NEXMIF: variants seen among roughly 807,000 people sequenced by gnomAD.
NEXMIF encodes XLMR protein related to neurite extension.
A neutral mutation model predicts 62.1 loss-of-function variants in NEXMIF; 8 were observed. The ratio of observed to expected loss-of-function variants is 0.13; its 90% CI spans 0.08 to 0.23. The LOEUF (loss-of-function observed/expected upper bound fraction) is 0.23, where lower values mean the gene tolerates loss of function less well. NEXMIF is among the 10% of genes least tolerant of loss of function. The pLI is 1.00. For synonymous variants in NEXMIF, 404 were observed against 416.6 expected (o/e 0.97, Z 0.37); for missense variants, 976 against 1,113.3 (o/e 0.88, Z 1.75).
intron 1 of NEXMIF, among the ~76,000 whole-genome samples, chrX:74,910,865 G>A (rs748134854): frequency 9.0e-6 from 1 of 111,698 alleles, no homozygotes; most frequent in Non-Finnish European, 1.9e-5. Context: ...CTCCCTTGCT[G>A]CAACCATGTA....
intron 1 of NEXMIF, among the ~76,000 whole-genome samples, chrX:74,762,270 A>G (rs1202502756): frequency 4.5e-5 from 5 of 110,657 alleles, no homozygotes; most frequent in Non-Finnish European, 9.4e-5. Flanking sequence ...AGCTACATCC[A>G]TGTCCCTACA....
intron 1 of NEXMIF, among the ~76,000 whole-genome samples, chrX:74,811,385 C>T (rs1400936439): frequency 2.7e-5 from 3 of 111,992 alleles, no homozygotes; most frequent in Non-Finnish European, 3.8e-5. Context: ...CTGGCTCCTT[C>T]CCATAAGAAC....
In NEXMIF at chrX:74,875,427, T is replaced by C. The variant is rs751919198; in HGVS notation, c.-48+49456A>G. ...TTTATTGAGGATTTTTGCATCAATG[T>C]TCATCAAGGATATTGGTCTAAAATT... On this transcript the variant is annotated intron_variant, in intron 1 of 3. Coordinates refer to ENST00000055682, the MANE Select transcript of NEXMIF (RefSeq NM_001008537.3). Among the ~76,000 whole-genome samples, 7 of 112,267 alleles carry C rather than the reference T, an allele frequency of 6.2e-5. No individual in the cohort carries two copies. In the South Asian group the frequency reaches 2.6e-3, roughly 41 times the overall value.
intron 1 of NEXMIF, among the ~76,000 whole-genome samples, chrX:74,916,973 T>C (rs998379139): frequency 8.9e-6 from 1 of 112,103 alleles, no homozygotes; most frequent in Non-Finnish European, 1.9e-5. Flanking sequence ...TCAGTAATTA[T>C]CATTAATGGA....
intron 1 of NEXMIF, among the ~76,000 whole-genome samples, chrX:74,842,052 T>C (rs980378652): frequency 1.8e-5 from 2 of 111,926 alleles, no homozygotes; most frequent in African/African-American, 6.5e-5. Context: ...TCTGTGAGAA[T>C]AGTACCAGCT....
rs760516537 is a variant in NEXMIF at position 74,742,300 on chromosome X, G to C, written c.2257C>G (p.Gln753Glu). The stretch of plus-strand genomic sequence containing the variant: ...TTCTTTAAATTAGCCTTTGAGGATT[G>C]GTTTTCCAAGAGAGGGCTCATTTGA... ...IVQMSPLLEN[Q>E]SSKANLKNEV... The change falls in exon 3 of 4, where the codon CAA becomes GAA. Residue 753 changes from glutamine (Q) to glutamate (E), a missense_variant. This residue lies in a region of NEXMIF where 639 missense variants were observed against 694.5 expected (regional missense o/e 0.92). Coordinates refer to ENST00000055682, the MANE Select transcript of NEXMIF (RefSeq NM_001008537.3). The C allele has an allele frequency of 4.1e-6, 5 of 1,211,572 alleles. No homozygotes were observed. The highest frequency in any genetic ancestry group is 5.6e-6 in the Non-Finnish European group (5 of 895,305).
At chrX:74,755,706 C>G (rs1285956829) in intron 1 of NEXMIF, among the ~76,000 whole-genome samples, 1 of 111,621 alleles carries the variant, frequency 9.0e-6, no homozygotes, top group Admixed American at 9.5e-5. Context: ...TGTTTCAGAT[C>G]CCACCCTCAT....
At chrX:74,821,969 T>C (rs1238466024) in intron 1 of NEXMIF, among the ~76,000 whole-genome samples, 1 of 111,599 alleles carries the variant, frequency 9.0e-6, no homozygotes. Flanking sequence ...CAGGCAGGTC[T>C]GGAACTCTTT....
intron 1 of NEXMIF, among the ~76,000 whole-genome samples, chrX:74,775,002 T>G (rs2080224627): frequency 8.9e-6 from 1 of 111,881 alleles, no homozygotes; most frequent in Non-Finnish European, 1.9e-5. Flanking sequence ...AGGCCACCTA[T>G]GGACTAAGCA....
At chrX:74,796,163 T>TATATATATAC (rs2080307308) in intron 1 of NEXMIF, among the ~76,000 whole-genome samples, 5 of 40,875 alleles carry the variant, frequency 1.2e-4, no homozygotes, top group East Asian at 8.4e-4. Flanking sequence ...ACATATATAT[T>TATATATATAC]ATATATATTA....
chrX:74,777,279 A>G (rs933349368), intron 1 of NEXMIF, among the ~76,000 whole-genome samples: 7 of 111,452 alleles, frequency 6.3e-5, no homozygotes, highest in Non-Finnish European at 1.9e-5. Flanking sequence ...AGGTCAGAAT[A>G]GACATTTTTG....
intron 1 of NEXMIF, among the ~76,000 whole-genome samples, chrX:74,873,062 C>A (rs1385849868): frequency 1.8e-5 from 2 of 108,347 alleles, no homozygotes; most frequent in African/African-American, 6.8e-5. Context: ...CTTATGTATA[C>A]ATGTGCCATG....
chrX:74,804,594 A>C (rs778435558), intron 1 of NEXMIF, among the ~76,000 whole-genome samples: 1 of 112,037 alleles, frequency 8.9e-6, no homozygotes, highest in African/African-American at 3.2e-5. Context: ...CTGCTGCCTT[A>C]TCCTGCTATG....
chrX:74,869,216 A>G (rs185059756), intron 1 of NEXMIF, among the ~76,000 whole-genome samples: 1 of 112,127 alleles, frequency 8.9e-6, no homozygotes, highest in Admixed American at 9.5e-5. Flanking sequence ...AATACAGGAC[A>G]AAAATCATGT....
At chrX:74,905,092 A>T (rs2080762971) in intron 1 of NEXMIF, among the ~76,000 whole-genome samples, 1 of 111,816 alleles carries the variant, frequency 8.9e-6, no homozygotes, top group South Asian at 3.8e-4. Context: ...AGTAATGTAC[A>T]TGTCATCAGC....
chrX:74,854,379 C>T (rs894359488), intron 1 of NEXMIF, among the ~76,000 whole-genome samples: 1 of 111,926 alleles, frequency 8.9e-6, no homozygotes, highest in Non-Finnish European at 1.9e-5. Context: ...TTCAACAGCC[C>T]TTTATGATAA....
chrX:74,822,140 C>G (rs1376644324), intron 1 of NEXMIF, among the ~76,000 whole-genome samples: 3 of 110,770 alleles, frequency 2.7e-5, no homozygotes, highest in Non-Finnish European at 3.8e-5. Context: ...TATCCACATG[C>G]AAAAGAATAA....
At chrX:74,764,589 A>G in intron 1 of NEXMIF, among the ~76,000 whole-genome samples, 1 of 111,802 alleles carries the variant, frequency 8.9e-6, no homozygotes, top group South Asian at 3.8e-4. Flanking sequence ...CTATGAAGCC[A>G]TCTGGTCCTG....
At position 74,738,698 on chromosome X, in the gene NEXMIF, G is replaced by T. The variant is rs1234621961; in HGVS notation, c.*707C>A. Reference sequence around the variant, plus strand: ...ACTTGGGTCCCTGATGGACTTAGCTGTTGTGGCCTTCAGACTTTTCCAAAA... The same window carrying T: ...ACTTGGGTCCCTGATGGACTTAGCTTTTGTGGCCTTCAGACTTTTCCAAAA... On this transcript the variant is annotated 3_prime_UTR_variant, in exon 4 of 4. Coordinates refer to ENST00000055682, the MANE Select transcript of NEXMIF (RefSeq NM_001008537.3). 1 of 110,927 alleles carries T rather than the reference G, an allele frequency of 9.0e-6. No individual in the cohort carries two copies. Among genetic ancestry groups the T allele is most frequent in the Non-Finnish European group, 1.9e-5 (1 of 52,850 alleles). 9.1% of individuals were successfully genotyped at this position (110,927 alleles called of 1,213,427 possible).
Sources: allele counts gnomAD v4.1 joint callset (sites outside exome capture counted in the v4.1 genomes callset), GRCh38; gene constraint gnomAD v4.1.1; regional missense constraint gnomAD v4.1.1; transcripts MANE v1.5; gene names NCBI Gene and HGNC (gene_info 2026-07-23, HGNC 2026-07-21).